The following CFL1 variants were observed in gnomAD, a reference collection of about 807,000 sequenced individuals.
CFL1 encodes the protein cofilin 1.
Under a neutral mutation model 16.3 loss-of-function variants are expected in CFL1, and 2 were observed. The ratio of observed to expected loss-of-function variants is 0.12; its 90% CI spans 0.05 to 0.39. The LOEUF is 0.39. Among genes scored for constraint, CFL1 ranks in the 10% least tolerant of loss-of-function variants. The pLI, the probability that CFL1 is intolerant of heterozygous loss-of-function variation, is 0.99. For missense variants in CFL1, 75 were observed against 212.2 expected (o/e 0.35, Z 4.02); for synonymous variants, 111 against 84.4 (o/e 1.31, Z -1.73).
intron 2 of CFL1, 21 bp downstream of exon 2, chr11:65,855,914 G>T (rs981376825): frequency 6.2e-7 from 1 of 1,600,336 alleles, no homozygotes; most frequent in African/African-American, 1.3e-5. Context: ...GTGACAGGAA[G>T]AAGTGCCAGA....
Position 65,856,180 on chromosome 11 carries a change from C to T in CFL1, c.66G>A (p.Lys22=). 1 of 1,614,194 alleles carries T rather than the reference C, an allele frequency of 6.2e-7. No individual in the cohort carries two copies. The highest frequency in any genetic ancestry group is 8.5e-7 in the Non-Finnish European group (1 of 1,180,032). Reference sequence around the variant, plus strand: ...TCTTCACCTCCTCTGGCGTTGAAGACTTACGCACCTTCATGTCGTTGAACA... The same window carrying T: ...TCTTCACCTCCTCTGGCGTTGAAGATTTACGCACCTTCATGTCGTTGAACA... ...IKVFNDMKVR[K]SSTPEEVKKR... is the part of the protein sequence containing the mutation. The change falls in exon 2 of 4, where the codon AAG becomes AAA. Residue 22 remains lysine, a synonymous_variant. Coordinates refer to ENST00000308162, the MANE Select transcript of CFL1 (RefSeq NM_005507.3).
Position 65,858,151 on chromosome 11 carries a change from G to A in CFL1, c.-52C>T, listed in dbSNP as rs1040344295. ...ACCGAGAGCCGCAGAAGACGAGAGCGCTGCAGCCGCTGCCGGGACCCGACT... is the reference window on the plus strand; with the variant it reads ...ACCGAGAGCCGCAGAAGACGAGAGCACTGCAGCCGCTGCCGGGACCCGACT... On this transcript the variant is annotated 5_prime_UTR_variant, in exon 1 of 4. Coordinates refer to ENST00000308162, the MANE Select transcript of CFL1 (RefSeq NM_005507.3). 295 of 1,512,036 alleles carry A rather than the reference G, an allele frequency of 2.0e-4. No individual in the cohort carries two copies. The highest frequency in any genetic ancestry group is 2.5e-4 in the Non-Finnish European group (281 of 1,129,176). The allele number at this position is 1,512,036 out of a possible 1,614,324, so 93.7% of individuals were successfully genotyped here.
chr11:65,856,072 G>A lies in CFL1; in HGVS notation c.174C>T (p.Gly58=), dbSNP rs117076705. Reference sequence around the variant, plus strand: ...GGTCGTCGACAGTCTGGCCCACATCGCCCACCAGGATCTCCTTGCCCTCCT... The same window carrying A: ...GGTCGTCGACAGTCTGGCCCACATCACCCACCAGGATCTCCTTGCCCTCCT... ...ILEEGKEILV[G]DVGQTVDDPY... Residue 58 remains glycine (G), a synonymous_variant, in exon 2 of 4, where the codon GGC becomes GGT. Coordinates refer to ENST00000308162, the MANE Select transcript of CFL1 (RefSeq NM_005507.3). The A allele has an allele frequency of 1.5e-3, 2,461 of 1,614,074 alleles. 45 individuals are homozygous for A. In the East Asian group the frequency reaches 0.016, roughly 11 times the overall value.
rs976908225 is a variant in CFL1, at chr11:65,858,016, G to T, written c.3+81C>A. ...CCGGGGCGCTGGGGGAGGGGGTGCGGACGTCGCTCCCCAGTCGCTTCCCGC... is the reference window on the plus strand; with the variant it reads ...CCGGGGCGCTGGGGGAGGGGGTGCGTACGTCGCTCCCCAGTCGCTTCCCGC... On this transcript the variant is annotated intron_variant, in intron 1 of 3. Coordinates refer to ENST00000308162, the MANE Select transcript of CFL1 (RefSeq NM_005507.3). 2.1e-6 allele frequency: 3 copies of T among 1,422,608 alleles called. No individual in the cohort carries two copies. The African/African-American group carries it at 4.5e-5, about 21-fold the overall frequency. 88.1% of individuals were successfully genotyped at this position (1,422,608 alleles called of 1,614,324 possible).
intron 1 of CFL1, 164 bp downstream of exon 1, chr11:65,857,933 C>G (rs1250910977): frequency 1.5e-5 from 9 of 614,500 alleles, no homozygotes; most frequent in Non-Finnish European, 2.2e-5. Flanking sequence ...CCGGCGCCCA[C>G]GGGCGCGCAC....
In CFL1 at chr11:65,858,120, G is replaced by T; in HGVS notation, c.-21C>A. ...ACCATGTTTCCGGAAACGAAAAGGAGAGGGCACCGAGAGCCGCAGAAGACG... is the reference window on the plus strand; with the variant it reads ...ACCATGTTTCCGGAAACGAAAAGGATAGGGCACCGAGAGCCGCAGAAGACG... On this transcript the variant is annotated 5_prime_UTR_variant, in exon 1 of 4. Transcript: ENST00000308162. The T allele has an allele frequency of 6.5e-7, 1 of 1,527,040 alleles. No homozygotes were observed. The highest frequency in any genetic ancestry group is 8.8e-7 in the Non-Finnish European group (1 of 1,137,342). The allele number at this position is 1,527,040 out of a possible 1,614,324, so 94.6% of individuals were successfully genotyped here.
rs1859351123 is a variant in CFL1, at chr11:65,854,914, G to A, written c.*422C>T. On this transcript the variant is annotated 3_prime_UTR_variant, in exon 4 of 4. Transcript: ENST00000308162. ...AAAGGGAGAGGAACCAGCCGGCACA[G>A]GGAGGGGTCATCTCCACAACATTCC... The A allele has an allele frequency of 6.2e-6, 1 of 161,232 alleles. No individual in the cohort carries two copies. The highest frequency in any genetic ancestry group is 2.4e-5 in the African/African-American group (1 of 41,602). The allele number at this position is 161,232 out of a possible 1,614,324, so 10.0% of individuals were successfully genotyped here.
chr11:65,854,830 T>C lies in CFL1; in HGVS notation c.*506A>G, dbSNP rs1156354948. ...TGAGCCTTTTTATTATTGTCTTTTT[T>C]TTTTTTAATCGAAGGTCCCTTACTG... is the stretch of plus-strand genomic sequence containing the variant. On this transcript the variant is annotated 3_prime_UTR_variant, in exon 4 of 4. Transcript: ENST00000308162. 6.5e-6 allele frequency: 1 copy of C among 153,740 alleles called. No homozygotes were observed. The highest frequency in any genetic ancestry group is 2.4e-5 in the African/African-American group (1 of 41,370). 9.5% of individuals were successfully genotyped at this position (153,740 alleles called of 1,614,324 possible).
At chr11:65,857,973 G>T in intron 1 of CFL1, 124 bp downstream of exon 1, 1 of 1,071,332 alleles carries the variant, frequency 9.3e-7, no homozygotes, top group Non-Finnish European at 1.3e-6. Context: ...GCCCCTTCGT[G>T]CGAGACCCTC....
intron 2 of CFL1, 48 bp downstream of exon 2, chr11:65,855,886 TC>T: frequency 6.3e-7 from 1 of 1,579,138 alleles, no homozygotes; most frequent in Non-Finnish European, 8.6e-7. Context: ...GAAGTTCCCA[TC>T]ATGAGAAAGG....
chr11:65,854,767 TCTC>T lies in CFL1; in HGVS notation c.*566_*568del, dbSNP rs1859345690. 6.5e-6 allele frequency: 1 copy of T among 152,944 alleles called. No homozygotes were observed. Among genetic ancestry groups the T allele is most frequent in the South Asian group, 2.0e-4 (1 of 5,058 alleles). 9.5% of individuals were successfully genotyped at this position (152,944 alleles called of 1,614,324 possible). The stretch of plus-strand genomic sequence containing the variant: ...TCCCAGTGCACCCCCAATCCTGAAG[TCTC>T]CTGTGTCCCAACCTTGAAAAACACA... On this transcript the variant is annotated 3_prime_UTR_variant, in exon 4 of 4. Transcript: ENST00000308162.
intron 1 of CFL1, 111 bp from the exon 2 acceptor site, chr11:65,856,353 GCAAGT>G (rs1859385356): frequency 1.9e-6 from 2 of 1,050,162 alleles, no homozygotes; most frequent in South Asian, 3.1e-5. Flanking sequence ...CCTTCCCAAG[GCAAGT>G]CACTAGTTTT....
chr11:65,855,568 G>A (rs550655459), intron 3 of CFL1, 86 bp downstream of exon 3: 3 of 1,552,040 alleles, frequency 1.9e-6, no homozygotes, highest in East Asian at 2.3e-5. Context: ...GAAGACAAGG[G>A]GGCAGACCCC....
intron 1 of CFL1, 39 bp downstream of exon 1, chr11:65,858,058 C>A: frequency 6.6e-6 from 10 of 1,525,666 alleles, no homozygotes; most frequent in Non-Finnish European, 8.8e-6. Flanking sequence ...GCGACCGACC[C>A]GCAGCCGCCT....
intron 1 of CFL1, 158 bp from the exon 2 acceptor site, chr11:65,856,400 G>A: frequency 3.1e-6 from 2 of 650,128 alleles, no homozygotes; most frequent in Non-Finnish European, 2.7e-6. Context: ...GAACCAGATG[G>A]GACACAACCT....
chr11:65,854,928 C>T lies in CFL1; in HGVS notation c.*408G>A, dbSNP rs1487714100. 1 of 172,196 alleles carries T rather than the reference C, an allele frequency of 5.8e-6. No homozygotes were observed. The highest frequency in any genetic ancestry group is 6.0e-5 in the Admixed American group (1 of 16,560). The allele number at this position is 172,196 out of a possible 1,614,324, so 10.7% of individuals were successfully genotyped here. ...CAGCCGGCACAGGGAGGGGTCATCT[C>T]CACAACATTCCATTTATACACAGAA... On this transcript the variant is annotated 3_prime_UTR_variant, in exon 4 of 4. Transcript: ENST00000308162.
intron 1 of CFL1, 188 bp downstream of exon 1, chr11:65,857,909 C>G (rs1354788212): frequency 2.3e-6 from 1 of 441,600 alleles, no homozygotes; most frequent in East Asian, 3.9e-5. Context: ...GAGCGACGTC[C>G]AGACCGGCCC....
chr11:65,857,753 A>C, intron 1 of CFL1: 2 of 173,866 alleles, frequency 1.2e-5, no homozygotes, highest in Non-Finnish European at 2.4e-5. Flanking sequence ...CGCATGCTCC[A>C]GTCGAGAGCG....
chr11:65,855,694 A>T lies in CFL1; in HGVS notation c.348T>A (p.Ile116=). The T allele has an allele frequency of 6.4e-7, 1 of 1,571,840 alleles. No individual in the cohort carries two copies. Among genetic ancestry groups the T allele is most frequent in the Non-Finnish European group, 8.6e-7 (1 of 1,160,298 alleles). ...PESAPLKSKM[I]YASSKDAIKK... is the part of the protein sequence containing the mutation. Reference sequence around the variant, plus strand: ...TGATGGCGTCCTTGGAGCTGGCATAAATCATTTTGCTCTTAAGGGGCGCAG... The same window carrying T: ...TGATGGCGTCCTTGGAGCTGGCATATATCATTTTGCTCTTAAGGGGCGCAG... The change falls in exon 3 of 4, where the codon ATT becomes ATA. Residue 116 remains isoleucine, a synonymous_variant. Coordinates refer to ENST00000308162, the MANE Select transcript of CFL1 (RefSeq NM_005507.3).
Sources: gnomAD v4.1 joint callset for allele counts on GRCh38, gnomAD v4.1.1 for gene constraint, MANE v1.5 for transcripts, NCBI Gene and HGNC (gene_info 2026-07-23, HGNC 2026-07-21) for gene names.